SSBP3: variants seen among roughly 807,000 people sequenced by gnomAD.
The protein encoded by SSBP3 is single-stranded DNA-binding protein 3.
A neutral mutation model predicts 69.6 loss-of-function variants in SSBP3; 5 were observed. The ratio of observed to expected loss-of-function variants is 0.07; its 90% CI spans 0.04 to 0.15. The LOEUF (loss-of-function observed/expected upper bound fraction) is 0.15. SSBP3 is among the 10% of genes least tolerant of loss of function. SSBP3 has a pLI of 1.00. For synonymous variants in SSBP3, 196 were observed against 193.4 expected, an observed-to-expected ratio of 1.01 and a Z score of -0.11; for missense variants, 312 against 534.0, an observed-to-expected ratio of 0.58 and a Z score of 4.10.
chr1:54,390,871 G>A (rs896722290), intron 4 of SSBP3, among the ~76,000 whole-genome samples: 2 of 152,204 alleles, frequency 1.3e-5, no homozygotes, highest in African/African-American at 4.8e-5. Context: ...AGAGAGAGGA[G>A]AACATTTTCT....
At chr1:54,412,244 G>A (rs1344816516) in intron 1 of SSBP3, among the ~76,000 whole-genome samples, 2 of 151,994 alleles carry the variant, frequency 1.3e-5, no homozygotes, top group Non-Finnish European at 2.9e-5. Flanking sequence ...CAGAAGAATC[G>A]CTTGAACCCA....
At position 54,243,044 on chromosome 1, in the gene SSBP3, G is replaced by A. The variant is rs538530422; in HGVS notation, c.716+191C>T. On this transcript the variant is annotated intron_variant, in intron 10 of 17. Transcript: ENST00000610401. ...CACGCAGCATGCCTGAACCGTGCCC[G>A]GCACACAGAGGCACTCTATGAGGCT... The A allele has an allele frequency of 1.3e-4, 82 of 624,684 alleles. 1 individual carries two copies. Among genetic ancestry groups the A allele is most frequent in the African/African-American group, 1.1e-3 (60 of 55,060 alleles). 38.7% of individuals were successfully genotyped at this position (624,684 alleles called of 1,614,324 possible). A position where few individuals can be genotyped will look rare whatever the true frequency, so the allele number is the denominator to read the frequency against.
intron 4 of SSBP3, among the ~76,000 whole-genome samples, chr1:54,309,896 T>C (rs1569743729): frequency 6.6e-6 from 1 of 152,090 alleles, no homozygotes; most frequent in East Asian, 1.9e-4. Flanking sequence ...AAAACAGAAC[T>C]GTCCTCTATT....
chr1:54,343,114 C>A (rs1202183951), intron 4 of SSBP3, among the ~76,000 whole-genome samples: 1 of 152,164 alleles, frequency 6.6e-6, no homozygotes, highest in Admixed American at 6.5e-5. Context: ...GGATCCTGTA[C>A]CAGGGGGATA....
intron 1 of SSBP3, chr1:54,412,573 T>TGACCAGCA: frequency 1.3e-5 from 2 of 152,224 alleles, no homozygotes. Flanking sequence ...TTAATGATAA[T>TGACCAGCA]AGAGCTTCAG....
chr1:54,412,616 G>A lies in SSBP3; in HGVS notation c.-275+740C>T, dbSNP rs189280141. The stretch of plus-strand genomic sequence containing the variant: ...AGATGAAAAAGATCTGGAAATGGAT[G>A]ATGATTCCATTGGTTACACAATAAT... On this transcript the variant is annotated intron_variant, in intron 1 of 8. Transcript: ENST00000525990. 4.5e-4 allele frequency: 68 copies of A among 152,388 alleles called. 1 individual carries two copies. The highest frequency in any genetic ancestry group is 1.5e-3 in the African/African-American group (64 of 41,574). The allele number at this position is 152,388 out of a possible 1,614,324, so 9.4% of individuals were successfully genotyped here.
At chr1:54,385,162 G>C (rs955349966) in intron 4 of SSBP3, among the ~76,000 whole-genome samples, 4 of 152,216 alleles carry the variant, frequency 2.6e-5, no homozygotes, top group Non-Finnish European at 5.9e-5. Context: ...TCCCTCCCCA[G>C]ATGGACTAGG....
Position 54,334,076 on chromosome 1 carries a change from T to A in SSBP3, c.277-52549A>T, listed in dbSNP as rs147871201. On this transcript the variant is annotated intron_variant, in intron 4 of 17. Transcript: ENST00000610401. ...CTCTCAAAAATAAATAAAATAGGCC[T>A]GGCGTGGTGGCTTATGCCCATAATC... 6.0e-3 allele frequency among the ~76,000 whole-genome samples: 907 copies of A among 150,150 alleles called. 4 individuals carry two copies. Among genetic ancestry groups the A allele is most frequent in the Non-Finnish European group, 0.01 (695 of 67,628 alleles).
At chr1:54,331,597 T>A (rs894055561) in intron 4 of SSBP3, among the ~76,000 whole-genome samples, 1 of 152,210 alleles carries the variant, frequency 6.6e-6, no homozygotes, top group Non-Finnish European at 1.5e-5. Context: ...TCCTCTTACG[T>A]GACACAGGAT....
rs1199769492 is a variant in SSBP3 at position 54,352,174 on chromosome 1, CA to C, written c.276+49686del. The stretch of plus-strand genomic sequence containing the variant: ...ACAACCAAACCCCACCCCCGCCCCC[CA>C]AAAAAAACAGTCCCCTCAGTCTGAA... On this transcript the variant is annotated intron_variant, in intron 4 of 17. Transcript: ENST00000610401. 4.7e-5 allele frequency among the ~76,000 whole-genome samples: 7 copies of C among 148,598 alleles called. No individual in the cohort carries two copies. The South Asian group carries it at 1.5e-3, about 32-fold the overall frequency.
chr1:54,336,821 C>T (rs894237005), intron 4 of SSBP3, among the ~76,000 whole-genome samples: 1 of 152,184 alleles, frequency 6.6e-6, no homozygotes, highest in African/African-American at 2.4e-5. Context: ...AGAAGGCACA[C>T]GTTAGGTCAG....
chr1:54,276,777 C>T (rs1236420224), intron 5 of SSBP3, among the ~76,000 whole-genome samples: 1 of 152,158 alleles, frequency 6.6e-6, no homozygotes, highest in African/African-American at 2.4e-5. Context: ...TGGCTTCCCA[C>T]TGCCCACTGG....
chr1:54,394,535 G>A (rs1648721139), intron 4 of SSBP3, among the ~76,000 whole-genome samples: 1 of 151,938 alleles, frequency 6.6e-6, no homozygotes, highest in African/African-American at 2.4e-5. Context: ...TCAAAATACG[G>A]TAGTGTCTTA....
chr1:54,241,616 C>T (rs1644640028), intron 11 of SSBP3, 107 bp from the exon 12 acceptor site: 3 of 1,236,010 alleles, frequency 2.4e-6, no homozygotes, highest in Non-Finnish European at 3.5e-6. Context: ...GCATCGCCAC[C>T]CAGTGAGCTG....
chr1:54,235,148 G>A (rs910541016), intron 14 of SSBP3, among the ~76,000 whole-genome samples: 5 of 152,098 alleles, frequency 3.3e-5, no homozygotes, highest in Admixed American at 6.5e-5. Context: ...AGGAATTCAC[G>A]TCCATCTCTC....
At chr1:54,353,072 T>C (rs916549494) in intron 4 of SSBP3, among the ~76,000 whole-genome samples, 8 of 152,160 alleles carry the variant, frequency 5.3e-5, no homozygotes, top group African/African-American at 1.9e-4. Flanking sequence ...TGCCATCCCC[T>C]TGGTTTCCTC....
At chr1:54,276,608 CA>C (rs746933473) in intron 5 of SSBP3, among the ~76,000 whole-genome samples, 432 of 35,216 alleles carry the variant, frequency 0.012, 8 homozygotes, top group African/African-American at 0.033. Context: ...GACTCTGTCT[CA>C]AAAAAAAAAA....
intron 4 of SSBP3, among the ~76,000 whole-genome samples, chr1:54,314,626 C>T (rs1034392320): frequency 2.0e-5 from 3 of 152,230 alleles, no homozygotes; most frequent in Admixed American, 6.5e-5. Flanking sequence ...CTTCCCTAGA[C>T]AAAGATTCTA....
At chr1:54,237,727 C>G (rs1644523882) in intron 14 of SSBP3, 1 of 164,960 alleles carries the variant, frequency 6.1e-6, no homozygotes, top group Non-Finnish European at 1.3e-5. Flanking sequence ...AATACAGTCA[C>G]AATATTCATG....
Sources: gnomAD v4.1 joint callset for allele counts (sites outside exome capture counted in the v4.1 genomes callset) on GRCh38, gnomAD v4.1.1 for gene constraint, MANE v1.5 for transcripts, NCBI Gene and HGNC (gene_info 2026-07-23, HGNC 2026-07-21) for gene names.